Variants in SSBP3 observed in about 807,000 individuals in gnomAD.
SSBP3 encodes the protein single-stranded DNA-binding protein 3.
SSBP3 carries 5 observed loss-of-function variants against 69.6 expected under a neutral mutation model. The ratio of observed to expected loss-of-function variants is 0.07; its 90% CI spans 0.04 to 0.15. The LOEUF is 0.15. SSBP3 is among the 10% of genes least tolerant of loss of function. The probability of loss-of-function intolerance (pLI) is 1.00; values close to 1 mark genes in which losing one functional copy is unlikely to be tolerated. For synonymous variants in SSBP3, 196 were observed against 193.4 expected (o/e 1.01, Z -0.11); for missense variants, 312 against 534.0 (o/e 0.58, Z 4.10).
At chr1:54,276,117 T>C (rs1005928352) in intron 5 of SSBP3, among the ~76,000 whole-genome samples, 5 of 152,134 alleles carry the variant, frequency 3.3e-5, no homozygotes, top group Non-Finnish European at 7.4e-5. Flanking sequence ...TGTCAAATAC[T>C]CCCTACTATC....
chr1:54,281,523 G>C (rs1042043420), exon 5 of SSBP3: 2 of 1,560,828 alleles, frequency 1.3e-6, no homozygotes. Flanking sequence ...GGCAGCTGCT[G>C]CACTCTGTGG....
chr1:54,289,860 G>C (rs2100936258), intron 4 of SSBP3, among the ~76,000 whole-genome samples: 1 of 152,216 alleles, frequency 6.6e-6, no homozygotes, highest in South Asian at 2.1e-4. Flanking sequence ...CCCCAGGATA[G>C]GGGGGCTCCC....
intron 2 of SSBP3, 53 bp downstream of exon 2, chr1:54,404,805 T>G: frequency 5.2e-6 from 3 of 575,046 alleles, no homozygotes; most frequent in Non-Finnish European, 2.8e-6. Flanking sequence ...GCTCTAAGAA[T>G]AGTGGGGGGG....
chr1:54,342,145 G>A (rs902067978), intron 4 of SSBP3, among the ~76,000 whole-genome samples: 1 of 152,246 alleles, frequency 6.6e-6, no homozygotes, highest in Non-Finnish European at 1.5e-5. Flanking sequence ...CCAAGGCACA[G>A]GAAAGCAGCG....
At chr1:54,385,171 G>A (rs1355005902) in intron 4 of SSBP3, among the ~76,000 whole-genome samples, 2 of 152,222 alleles carry the variant, frequency 1.3e-5, no homozygotes, top group Non-Finnish European at 2.9e-5. Flanking sequence ...AGATGGACTA[G>A]GGAAGCTGGC....
intron 4 of SSBP3, among the ~76,000 whole-genome samples, chr1:54,316,058 A>C (rs1175407000): frequency 1.3e-5 from 2 of 152,028 alleles, no homozygotes; most frequent in Admixed American, 1.3e-4. Context: ...CTGGGAATTT[A>C]TTCTAACTGG....
chr1:54,290,689 G>A (rs759133222), intron 4 of SSBP3, among the ~76,000 whole-genome samples: 3 of 152,182 alleles, frequency 2.0e-5, no homozygotes, highest in Non-Finnish European at 4.4e-5. Flanking sequence ...AGTACCTGGT[G>A]AGGGAGTGGA....
intron 4 of SSBP3, among the ~76,000 whole-genome samples, chr1:54,335,419 G>C (rs1646491176): frequency 6.6e-6 from 1 of 152,160 alleles, no homozygotes; most frequent in South Asian, 2.1e-4. Context: ...AAGGAGACAA[G>C]AGACAAAAAC....
At chr1:54,257,374 A>C in intron 6 of SSBP3, 188 bp from the exon 7 acceptor site, 1 of 539,114 alleles carries the variant, frequency 1.9e-6, no homozygotes, top group Non-Finnish European at 3.2e-6. Context: ...TCCACACAAC[A>C]AATGTGTCTC....
At chr1:54,242,240 A>C in intron 10 of SSBP3, 28 bp from the exon 11 acceptor site, 1 of 1,613,416 alleles carries the variant, frequency 6.2e-7, no homozygotes, top group Non-Finnish European at 8.5e-7. Flanking sequence ...AGATGTGGAC[A>C]ATGAAAAAGG....
chr1:54,398,880 A>G (rs1021932399), intron 4 of SSBP3, among the ~76,000 whole-genome samples: 1 of 152,182 alleles, frequency 6.6e-6, no homozygotes, highest in African/African-American at 2.4e-5. Context: ...CAGGCTGCAC[A>G]AACTCCCCAC....
chr1:54,283,473 A>T (rs1405175289), intron 4 of SSBP3, among the ~76,000 whole-genome samples: 1 of 152,126 alleles, frequency 6.6e-6, no homozygotes, highest in African/African-American at 2.4e-5. Flanking sequence ...GGACTTTCTG[A>T]ATTTGCTTCC....
In SSBP3 at chr1:54,283,246, T is replaced by G. The variant is rs1645428490; in HGVS notation, c.277-1719A>C. Among the ~76,000 whole-genome samples, 5 of 134,732 alleles carry G rather than the reference T, an allele frequency of 3.7e-5. No individual in the cohort carries two copies. In the South Asian group the frequency reaches 9.3e-4, roughly 25 times the overall value. The allele number at this position is 134,732 out of a possible 152,430, so 88.4% of individuals were successfully genotyped here. On this transcript the variant is annotated intron_variant, in intron 4 of 17. Transcript: ENST00000610401. ...TTGCACCACTGCACTCCAGCCTGGA[T>G]GACAAAAGCAAAACTCCCCATCTCA...
At chr1:54,253,741 G>A (rs1644871403) in intron 7 of SSBP3, among the ~76,000 whole-genome samples, 3 of 152,312 alleles carry the variant, frequency 2.0e-5, no homozygotes, top group South Asian at 4.1e-4. Flanking sequence ...GGGATCCCAG[G>A]ACATGGAGGT....
At chr1:54,404,953 A>C in intron 1 of SSBP3, 23 bp from the exon 2 acceptor site, 1 of 1,601,688 alleles carries the variant, frequency 6.2e-7, no homozygotes, top group Non-Finnish European at 8.5e-7. Context: ...CAGGGGGCAA[A>C]GAGAGAGAGG....
At chr1:54,335,514 C>G (rs1369516256) in intron 4 of SSBP3, among the ~76,000 whole-genome samples, 1 of 152,306 alleles carries the variant, frequency 6.6e-6, no homozygotes, top group Middle Eastern at 3.4e-3. Flanking sequence ...GCAGAGACAG[C>G]AGGAGACAGA....
intron 5 of SSBP3, among the ~76,000 whole-genome samples, chr1:54,278,565 T>C (rs947345296): frequency 1.3e-5 from 2 of 152,208 alleles, no homozygotes; most frequent in African/African-American, 4.8e-5. Context: ...CAAGGCCCTG[T>C]GTTGCTTACC....
At chr1:54,305,069 G>T (rs1036635394) in intron 4 of SSBP3, among the ~76,000 whole-genome samples, 2 of 152,210 alleles carry the variant, frequency 1.3e-5, no homozygotes, top group African/African-American at 4.8e-5. Flanking sequence ...GCCGAGCAGA[G>T]ACCATGTATG....
chr1:54,255,158 C>CA (rs1171950591), intron 7 of SSBP3, among the ~76,000 whole-genome samples: 22 of 63,400 alleles, frequency 3.5e-4, no homozygotes, highest in African/African-American at 1.1e-3. Context: ...TGCGGGGGGG[C>CA]GGGGGGGGGG....
Sources: gnomAD v4.1 joint callset for allele counts (sites outside exome capture counted in the v4.1 genomes callset) on GRCh38, gnomAD v4.1.1 for gene constraint, MANE v1.5 for transcripts, NCBI Gene and HGNC (gene_info 2026-07-23, HGNC 2026-07-21) for gene names.